The following RPS6KC1 variants were observed in gnomAD, a reference collection of about 807,000 sequenced individuals.
RPS6KC1 encodes inactive ribosomal protein S6 kinase delta-1.
In RPS6KC1, 54 loss-of-function variants were observed where a neutral mutation model predicts 103.8. The observed-to-expected ratio is 0.52, with a 90% CI of 0.42 to 0.65. The LOEUF is 0.65. RPS6KC1 is among the 30% of genes least tolerant of loss of function. The pLI, the probability that RPS6KC1 is intolerant of heterozygous loss-of-function variation, is 0.00. For synonymous variants in RPS6KC1, 439 were observed against 438.7 expected, an observed-to-expected ratio of 1.00 and a Z score of -0.01; for missense variants, 1,151 against 1,253.8, an observed-to-expected ratio of 0.92 and a Z score of 1.24.
At chr1:213,294,049 C>T in the RPS6KC1 span, among the ~76,000 whole-genome samples, 3 of 152,166 alleles carry the variant, frequency 2.0e-5, no homozygotes, top group African/African-American at 7.2e-5. Flanking sequence ...GGAAGGAAAG[C>T]AACCCGAGCA....
chr1:213,491,052 A>G, the RPS6KC1 span, among the ~76,000 whole-genome samples: 1 of 152,070 alleles, frequency 6.6e-6, no homozygotes, highest in Non-Finnish European at 1.5e-5. Context: ...AGGAACTGAG[A>G]TGCTCCCCTT....
chr1:213,631,169 G>A, the RPS6KC1 span, among the ~76,000 whole-genome samples: 13 of 152,174 alleles, frequency 8.5e-5, no homozygotes, highest in African/African-American at 2.9e-4. Flanking sequence ...CTGGTGAGGC[G>A]ATGCCTCACC....
chr1:213,059,605 C>A (rs2077639742), intron 1 of RPS6KC1, among the ~76,000 whole-genome samples: 1 of 152,164 alleles, frequency 6.6e-6, no homozygotes, highest in Non-Finnish European at 1.5e-5. Context: ...CCTCCGCCTT[C>A]CGGGTTCAAG....
At chr1:213,676,632 T>C in the RPS6KC1 span, among the ~76,000 whole-genome samples, 10 of 152,206 alleles carry the variant, frequency 6.6e-5, no homozygotes, top group Non-Finnish European at 1.5e-4. Flanking sequence ...AGTTACCTCT[T>C]CATTGCCCAG....
At chr1:213,189,282 C>G (rs2092660253) in intron 8 of RPS6KC1, among the ~76,000 whole-genome samples, 2 of 151,858 alleles carry the variant, frequency 1.3e-5, no homozygotes, top group African/African-American at 4.8e-5. Context: ...AACCTTGTCT[C>G]TACTAAAAAT....
chr1:213,745,570 G>C, the RPS6KC1 span, among the ~76,000 whole-genome samples: 2 of 152,132 alleles, frequency 1.3e-5, no homozygotes, highest in Non-Finnish European at 2.9e-5. Context: ...ATTGATTGGG[G>C]TTGTATTACT....
intron 12 of RPS6KC1, among the ~76,000 whole-genome samples, chr1:213,249,488 G>C (rs77701550): frequency 2.6e-5 from 4 of 152,180 alleles, no homozygotes; most frequent in Admixed American, 6.5e-5. Context: ...ATAGCCATGC[G>C]TGTAGCTCTC....
chr1:213,356,592 G>A, the RPS6KC1 span, among the ~76,000 whole-genome samples: 2 of 152,178 alleles, frequency 1.3e-5, no homozygotes, highest in Admixed American at 6.5e-5. Context: ...AGAGGTGGAG[G>A]TTGCAATGAG....
chr1:213,351,390 A>G, the RPS6KC1 span, among the ~76,000 whole-genome samples: 1 of 152,188 alleles, frequency 6.6e-6, no homozygotes, highest in African/African-American at 2.4e-5. Context: ...ATACACAGCA[A>G]TTTTTGGAAT....
At chr1:213,396,547 C>T in the RPS6KC1 span, among the ~76,000 whole-genome samples, 1 of 152,202 alleles carries the variant, frequency 6.6e-6, no homozygotes, top group Non-Finnish European at 1.5e-5. Context: ...TTGCCCTTCC[C>T]TGTACTAGTG....
downstream of RPS6KC1, among the ~76,000 whole-genome samples, chr1:213,278,277 C>G (rs2095115974): frequency 6.6e-6 from 1 of 151,682 alleles, no homozygotes; most frequent in African/African-American, 2.4e-5. Context: ...TGATTAACCC[C>G]ACCAAGAGAC....
the RPS6KC1 span, among the ~76,000 whole-genome samples, chr1:213,321,659 A>T: frequency 2.6e-5 from 4 of 152,228 alleles, no homozygotes; most frequent in African/African-American, 9.6e-5. Context: ...GGTCCTAATG[A>T]AGTATATGTT....
chr1:213,550,414 G>A, the RPS6KC1 span, among the ~76,000 whole-genome samples: 1 of 152,194 alleles, frequency 6.6e-6, no homozygotes, highest in African/African-American at 2.4e-5. Flanking sequence ...TTAAAGAAAA[G>A]TACTAAAGGA....
chr1:213,851,487 C>T, the RPS6KC1 span, among the ~76,000 whole-genome samples: 1 of 152,062 alleles, frequency 6.6e-6, no homozygotes, highest in Non-Finnish European at 1.5e-5. Flanking sequence ...ATGTTGACAC[C>T]CTCTCTTGAC....
chr1:213,511,383 A>G, the RPS6KC1 span, among the ~76,000 whole-genome samples: 2 of 152,186 alleles, frequency 1.3e-5, no homozygotes, highest in Non-Finnish European at 2.9e-5. Context: ...ATTGTGGAGC[A>G]GCAGCCTGGG....
the RPS6KC1 span, among the ~76,000 whole-genome samples, chr1:213,294,240 C>T: frequency 6.6e-6 from 1 of 152,160 alleles, no homozygotes; most frequent in Non-Finnish European, 1.5e-5. Flanking sequence ...AAGAATTGAT[C>T]TTGTAGTTTA....
At chr1:213,754,073 T>A in the RPS6KC1 span, among the ~76,000 whole-genome samples, 2 of 152,178 alleles carry the variant, frequency 1.3e-5, no homozygotes, top group African/African-American at 4.8e-5. Context: ...CCCGTTTCAC[T>A]GCTGCTTCCT....
chr1:213,334,158 C>T, the RPS6KC1 span, among the ~76,000 whole-genome samples: 1 of 152,152 alleles, frequency 6.6e-6, no homozygotes, highest in Non-Finnish European at 1.5e-5. Context: ...AATAATGCTT[C>T]ACATGAATGA....
intron 12 of RPS6KC1, among the ~76,000 whole-genome samples, chr1:213,255,723 G>A (rs911037496): frequency 1.3e-4 from 20 of 152,152 alleles, no homozygotes; most frequent in African/African-American, 4.8e-4. Flanking sequence ...AAAGTCCTTT[G>A]TTCTGATAAT....
Sources: gnomAD v4.1 joint callset for allele counts (sites outside exome capture counted in the v4.1 genomes callset) on GRCh38, gnomAD v4.1.1 for gene constraint, MANE v1.5 for transcripts, NCBI Gene and HGNC (gene_info 2026-07-23, HGNC 2026-07-21) for gene names.